The following CSGALNACT1 variants were observed in gnomAD, a reference collection of about 807,000 sequenced individuals.
The protein encoded by CSGALNACT1 is beta4GalNAcT-1.
In CSGALNACT1, 52 loss-of-function variants were observed where a neutral mutation model predicts 51.0. That is an observed-to-expected ratio of 1.02 (90% CI 0.82 to 1.29). The LOEUF is 1.29. Ranked by LOEUF, CSGALNACT1 falls within the 50% of genes most tolerant of loss-of-function variation. CSGALNACT1 has a pLI of 0.00. For synonymous variants in CSGALNACT1, 341 were observed against 254.4 expected, an observed-to-expected ratio of 1.34 and a Z score of -3.24; for missense variants, 935 against 679.2, an observed-to-expected ratio of 1.38 and a Z score of -4.19.
intron 3 of CSGALNACT1, among the ~76,000 whole-genome samples, chr8:19,547,209 T>C (rs1400196091): frequency 3.9e-5 from 6 of 152,190 alleles, no homozygotes; most frequent in Non-Finnish European, 5.9e-5. Context: ...TGCTCCTCCT[T>C]TGCTGGTATT....
chr8:19,561,397 AG>A (rs1278218173), intron 3 of CSGALNACT1, among the ~76,000 whole-genome samples: 1 of 152,240 alleles, frequency 6.6e-6, no homozygotes, highest in African/African-American at 2.4e-5. Context: ...ATGACCAACA[AG>A]CACAGGAAGC....
chr8:19,680,046 A>C (rs1212380321), intron 1 of CSGALNACT1, among the ~76,000 whole-genome samples: 1 of 152,150 alleles, frequency 6.6e-6, no homozygotes, highest in African/African-American at 2.4e-5. Context: ...AGTTTACTTA[A>C]CAAATTACTT....
intron 1 of CSGALNACT1, among the ~76,000 whole-genome samples, chr8:19,652,045 C>G (rs1326265257): frequency 6.6e-6 from 1 of 152,088 alleles, no homozygotes; most frequent in Non-Finnish European, 1.5e-5. Context: ...ATCCCCTGCT[C>G]CAGCCTCCTG....
intron 3 of CSGALNACT1, among the ~76,000 whole-genome samples, chr8:19,561,865 G>C (rs1226192537): frequency 2.0e-5 from 3 of 152,196 alleles, no homozygotes; most frequent in African/African-American, 7.2e-5. Context: ...TAAGAGGTAA[G>C]AGGAACACCT....
Position 19,738,208 on chromosome 8 carries a change from G to A in CSGALNACT1, c.-297+19642C>T, listed in dbSNP as rs532704895. ...CACTACTGTACTCCTGAGTGACAGA[G>A]CAGGATCTCATCTCCATAAAGAAAA... On this transcript the variant is annotated intron_variant, in intron 1 of 1. Transcript: ENST00000517494. Among the ~76,000 whole-genome samples, 15 of 152,322 alleles carry A rather than the reference G, an allele frequency of 9.8e-5. No individual in the cohort carries two copies. In the South Asian group the frequency reaches 2.7e-3, roughly 27 times the overall value.
At chr8:19,487,810 G>A (rs946430337) in intron 4 of CSGALNACT1, among the ~76,000 whole-genome samples, 1 of 152,028 alleles carries the variant, frequency 6.6e-6, no homozygotes, top group African/African-American at 2.4e-5. Flanking sequence ...TGAAATCATT[G>A]AGCTCTCTAG....
chr8:19,531,359 A>G (rs959688924), intron 3 of CSGALNACT1, among the ~76,000 whole-genome samples: 3 of 152,268 alleles, frequency 2.0e-5, no homozygotes, highest in Non-Finnish European at 2.9e-5. Flanking sequence ...TAATATTGCC[A>G]TTCCCATGAG....
chr8:19,672,054 T>G (rs988409532), intron 1 of CSGALNACT1, among the ~76,000 whole-genome samples: 2 of 152,212 alleles, frequency 1.3e-5, no homozygotes, highest in Non-Finnish European at 2.9e-5. Context: ...ACATAGAATT[T>G]GGTACAAATA....
intron 4 of CSGALNACT1, among the ~76,000 whole-genome samples, chr8:19,469,390 C>CA (rs1036057000): frequency 2.0e-5 from 3 of 151,392 alleles, no homozygotes; most frequent in Non-Finnish European, 2.9e-5. Flanking sequence ...CACCCTGTCT[C>CA]AAAAAAAGAA....
chr8:19,715,182 C>T (rs913699092), intron 1 of CSGALNACT1, among the ~76,000 whole-genome samples: 3 of 152,120 alleles, frequency 2.0e-5, no homozygotes, highest in African/African-American at 4.8e-5. Flanking sequence ...CATCAGATCT[C>T]GTGAGACTTA....
chr8:19,651,686 T>A (rs2154184385), intron 1 of CSGALNACT1, among the ~76,000 whole-genome samples: 1 of 152,330 alleles, frequency 6.6e-6, no homozygotes, highest in East Asian at 1.9e-4. Flanking sequence ...TATGTTAATT[T>A]CATGTCTTCG....
At chr8:19,627,581 A>C (rs1409892979) in intron 1 of CSGALNACT1, among the ~76,000 whole-genome samples, 1 of 152,156 alleles carries the variant, frequency 6.6e-6, no homozygotes, top group East Asian at 1.9e-4. Context: ...CCAGAACTTA[A>C]GAGAGGCTGA....
intron 3 of CSGALNACT1, among the ~76,000 whole-genome samples, chr8:19,534,546 T>A (rs1309338050): frequency 6.6e-6 from 1 of 152,090 alleles, no homozygotes; most frequent in African/African-American, 2.4e-5. Flanking sequence ...TAGATGGTGG[T>A]GCACAAGTGG....
chr8:19,470,409 G>C (rs975218759), intron 4 of CSGALNACT1, among the ~76,000 whole-genome samples: 1 of 152,162 alleles, frequency 6.6e-6, no homozygotes, highest in Admixed American at 6.5e-5. Context: ...TGCAGGCAGC[G>C]AGGCCAGAGA....
chr8:19,564,390 G>A (rs1239645581), intron 3 of CSGALNACT1, among the ~76,000 whole-genome samples: 1 of 147,568 alleles, frequency 6.8e-6, no homozygotes, highest in Non-Finnish European at 1.5e-5. Flanking sequence ...TCTCAGGTGA[G>A]GTTCAGGTAT....
chr8:19,574,542 G>A (rs1011959326), intron 3 of CSGALNACT1, among the ~76,000 whole-genome samples: 9 of 152,204 alleles, frequency 5.9e-5, no homozygotes, highest in Non-Finnish European at 1.2e-4. Flanking sequence ...CAGGTGGACA[G>A]TAACAGGGCA....
At chr8:19,449,311 T>G (rs956563649) in intron 5 of CSGALNACT1, among the ~76,000 whole-genome samples, 5 of 152,138 alleles carry the variant, frequency 3.3e-5, no homozygotes, top group Non-Finnish European at 7.4e-5. Context: ...CCATTAGCCA[T>G]CCAACTTGCA....
At chr8:19,515,992 T>A (rs1276964113) in intron 3 of CSGALNACT1, among the ~76,000 whole-genome samples, 2 of 152,104 alleles carry the variant, frequency 1.3e-5, no homozygotes, top group African/African-American at 2.4e-5. Context: ...CAAGCACACA[T>A]GTGGGGCTGA....
intron 1 of CSGALNACT1, among the ~76,000 whole-genome samples, chr8:19,674,280 G>C (rs1211965342): frequency 2.6e-5 from 4 of 152,034 alleles, no homozygotes; most frequent in African/African-American, 9.7e-5. Context: ...GTCACAAAGT[G>C]TGACTGTGTC....
Sources: allele counts gnomAD v4.1 joint callset (sites outside exome capture counted in the v4.1 genomes callset), GRCh38; gene constraint gnomAD v4.1.1; transcripts MANE v1.5; gene names NCBI Gene and HGNC (gene_info 2026-07-23, HGNC 2026-07-21).